Variants in CLMN observed in about 807,000 individuals in gnomAD.
CLMN encodes the protein calmin (calponin-like, transmembrane).
In CLMN, 57 loss-of-function variants were observed where a neutral mutation model predicts 92.7. That is an observed-to-expected ratio of 0.61 (90% confidence interval 0.50 to 0.77). CLMN has a LOEUF of 0.77. Ranked by LOEUF, CLMN falls within the 30% of genes least tolerant of loss-of-function variation. The probability of loss-of-function intolerance (pLI) is 0.00; values close to 1 mark genes in which losing one functional copy is unlikely to be tolerated. For missense variants in CLMN, 1,158 were observed against 1,237.5 expected (o/e 0.94, Z 0.96); for synonymous variants, 466 against 470.6 (o/e 0.99, Z 0.13).
At chr14:95,255,543 C>G (rs1434637439) in intron 1 of CLMN, among the ~76,000 whole-genome samples, 1 of 152,176 alleles carries the variant, frequency 6.6e-6, no homozygotes, top group Non-Finnish European at 1.5e-5. Context: ...TCTGCAGTTT[C>G]AAGCATCCCT....
At chr14:95,212,270 C>T (rs114436954) in intron 6 of CLMN, among the ~76,000 whole-genome samples, 46 of 152,296 alleles carry the variant, frequency 3.0e-4, no homozygotes, top group Middle Eastern at 6.8e-3. Context: ...TGATAGGATA[C>T]TATTTGCAGT....
chr14:95,302,021 C>A (rs1448636847), intron 1 of CLMN, among the ~76,000 whole-genome samples: 1 of 152,200 alleles, frequency 6.6e-6, no homozygotes, highest in Non-Finnish European at 1.5e-5. Context: ...GCCATGAACT[C>A]CAGCCTGGAC....
At chr14:95,232,044 G>A (rs1489044039) in intron 1 of CLMN, among the ~76,000 whole-genome samples, 4 of 152,178 alleles carry the variant, frequency 2.6e-5, no homozygotes, top group African/African-American at 7.2e-5. Context: ...ATGAAGAAAC[G>A]GAGGGGCAAA....
chr14:95,304,822 C>A (rs1227799511), intron 1 of CLMN, among the ~76,000 whole-genome samples: 2 of 152,102 alleles, frequency 1.3e-5, no homozygotes, highest in Non-Finnish European at 2.9e-5. Flanking sequence ...GTCTGACCCT[C>A]CAGACAGGAG....
At chr14:95,297,267 T>G (rs1441906805) in intron 1 of CLMN, among the ~76,000 whole-genome samples, 1 of 152,324 alleles carries the variant, frequency 6.6e-6, no homozygotes, top group South Asian at 2.1e-4. Flanking sequence ...TGGCCACTTT[T>G]GTGCAGTCCT....
In CLMN at chr14:95,213,529, T is replaced by C. The variant is rs1897253418; in HGVS notation, c.418-120A>G. On this transcript the variant is annotated intron_variant, in intron 5 of 12. Transcript: ENST00000298912. ...GGACCGGCTCAGGCAGGATTGCTTC[T>C]CTGAATGCAGAGAAACCCTTTCTGA... 9.1e-6 allele frequency: 8 copies of C among 882,074 alleles called. No homozygotes were observed. The South Asian group carries it at 1.5e-4, about 17-fold the overall frequency. 54.6% of individuals were successfully genotyped at this position (882,074 alleles called of 1,614,324 possible).
intron 1 of CLMN, among the ~76,000 whole-genome samples, chr14:95,319,303 TCACA>T (rs60670197): frequency 0.034 from 4,961 of 143,862 alleles, 86 homozygotes; most frequent in Middle Eastern, 0.049. Context: ...GTGCGCGAAC[TCACA>T]CACACACACA....
intron 1 of CLMN, among the ~76,000 whole-genome samples, chr14:95,279,031 C>T (rs976675701): frequency 3.3e-5 from 5 of 152,250 alleles, no homozygotes; most frequent in South Asian, 4.1e-4. Context: ...AAAAATCTTA[C>T]GACTACTGGA....
intron 4 of CLMN, among the ~76,000 whole-genome samples, chr14:95,218,364 G>A (rs778259825): frequency 3.3e-5 from 5 of 152,224 alleles, no homozygotes; most frequent in Non-Finnish European, 7.3e-5. Flanking sequence ...AGCTGGTCCT[G>A]TGGGGCAGCC....
At chr14:95,253,299 C>CGTAA (rs1299947548) in intron 1 of CLMN, among the ~76,000 whole-genome samples, 1 of 152,152 alleles carries the variant, frequency 6.6e-6, no homozygotes, top group African/African-American at 2.4e-5. Context: ...CAGCGCTTAC[C>CGTAA]CCTCCAGGTT....
chr14:95,201,406 C>G (rs904722834), intron 9 of CLMN, among the ~76,000 whole-genome samples: 1 of 151,804 alleles, frequency 6.6e-6, no homozygotes, highest in South Asian at 2.1e-4. Context: ...ACGACCCCTT[C>G]TATTTCCCAC....
chr14:95,230,334 C>T (rs1897845163), intron 1 of CLMN, among the ~76,000 whole-genome samples: 2 of 152,240 alleles, frequency 1.3e-5, no homozygotes, highest in African/African-American at 4.8e-5. Flanking sequence ...AACCCCTGAG[C>T]ATCTATGTAA....
rs1194103686 is a variant in CLMN, at chr14:95,259,817, G to A, written c.83-29684C>T. Among the ~76,000 whole-genome samples, 1 of 152,132 alleles carries A rather than the reference G, an allele frequency of 6.6e-6. No homozygotes were observed. The highest frequency in any genetic ancestry group is 1.5e-5 in the Non-Finnish European group (1 of 68,024). On this transcript the variant is annotated intron_variant, in intron 1 of 12. Transcript: ENST00000298912. The surrounding 1 kb of genome is among the most constrained non-coding windows in gnomAD (Gnocchi z 4.3). ...GGACTCTTCAGCATTAAAATGCATG[G>A]CCAGCTGCACCTGCGTTTCCTCTCC...
rs138798346 is a variant in CLMN at position 95,255,522 on chromosome 14, G to T, written c.83-25389C>A. On this transcript the variant is annotated intron_variant, in intron 1 of 12. Coordinates refer to ENST00000298912, the MANE Select transcript of CLMN (RefSeq NM_024734.4). ...CAGGAAAAAGCATAGTACATATAGG[G>T]TTCGGCACTATCTGCAGTTTCAAGC... 7.6e-3 allele frequency among the ~76,000 whole-genome samples: 1,156 copies of T among 152,238 alleles called. 22 individuals are homozygous for T. The highest frequency in any genetic ancestry group is 0.026 in the African/African-American group (1,099 of 41,530).
intron 4 of CLMN, 53 bp downstream of exon 4, chr14:95,221,638 C>A: frequency 6.6e-7 from 1 of 1,516,884 alleles, no homozygotes; most frequent in Non-Finnish European, 9.1e-7. Context: ...CAAATGACGT[C>A]CTTTTCCTAA....
intron 1 of CLMN, among the ~76,000 whole-genome samples, chr14:95,238,624 C>T (rs1245549052): frequency 6.6e-6 from 1 of 152,192 alleles, no homozygotes; most frequent in Admixed American, 6.5e-5. Context: ...CTCCCCCACC[C>T]AAATTCTTGG....
At chr14:95,245,700 A>G (rs927948881) in intron 1 of CLMN, among the ~76,000 whole-genome samples, 1 of 149,496 alleles carries the variant, frequency 6.7e-6, no homozygotes. Context: ...GGGTGGATGG[A>G]TGGATGGATG....
intron 1 of CLMN, among the ~76,000 whole-genome samples, chr14:95,246,505 G>A (rs1168907605): frequency 6.6e-6 from 1 of 152,218 alleles, no homozygotes; most frequent in Non-Finnish European, 1.5e-5. Flanking sequence ...GTCTCGCTCT[G>A]TCGCCCAGGC....
intron 1 of CLMN, among the ~76,000 whole-genome samples, chr14:95,247,969 C>T (rs953297169): frequency 5.9e-5 from 9 of 152,060 alleles, no homozygotes; most frequent in Admixed American, 1.3e-4. Flanking sequence ...GTTCCTGAGG[C>T]CCCACTACAC....
Sources: allele counts gnomAD v4.1 joint callset (sites outside exome capture counted in the v4.1 genomes callset), GRCh38; gene constraint gnomAD v4.1.1; non-coding constraint Gnocchi (gnomAD v3.1); transcripts MANE v1.5; gene names NCBI Gene and HGNC (gene_info 2026-07-23, HGNC 2026-07-21).